NOD2: variants seen among roughly 807,000 people sequenced by gnomAD.
NOD2 encodes nucleotide binding oligomerization domain containing 2.
Under a neutral mutation model 90.9 loss-of-function variants are expected in NOD2, and 86 were observed. That is an observed-to-expected ratio of 0.95 (90% confidence interval 0.79 to 1.13). NOD2 has a LOEUF of 1.13. Ranked by LOEUF, NOD2 falls within the 50% of genes most tolerant of loss-of-function variation. The pLI is 0.00. For missense variants in NOD2, 1,238 were observed against 1,283.8 expected, an observed-to-expected ratio of 0.96 and a Z score of 0.55; for synonymous variants, 581 against 554.6, an observed-to-expected ratio of 1.05 and a Z score of -0.67.
At chr16:50,713,236 G>A (rs1849299041) in intron 4 of NOD2, 1 of 152,200 alleles carries the variant, frequency 6.6e-6, no homozygotes, top group South Asian at 2.1e-4. Context: ...GTTCTAGATT[G>A]AAGTTAAAAT....
At chr16:50,721,670 T>A (rs1291659373) in intron 7 of NOD2, among the ~76,000 whole-genome samples, 1 of 151,988 alleles carries the variant, frequency 6.6e-6, no homozygotes, top group Non-Finnish European at 1.5e-5. Flanking sequence ...TATTTTTATG[T>A]TTTGTAGAGA....
intron 5 of NOD2, 26 bp from the exon 6 acceptor site, chr16:50,716,865 G>A (rs1964823628): frequency 6.2e-6 from 10 of 1,610,268 alleles, no homozygotes; most frequent in Non-Finnish European, 8.5e-6. Context: ...TTGCTTCTGT[G>A]TCTCCTCTCT....
chr16:50,709,101 C>T (rs1964339391), intron 3 of NOD2, among the ~76,000 whole-genome samples: 1 of 152,062 alleles, frequency 6.6e-6, no homozygotes, highest in Non-Finnish European at 1.5e-5. Context: ...GGAAAACCTG[C>T]ATCAGAAATC....
chr16:50,697,044 C>T (rs530572951), intron 1 of NOD2: 2 of 627,268 alleles, frequency 3.2e-6, no homozygotes, highest in Non-Finnish European at 5.8e-6. Flanking sequence ...AGGCTTTGTG[C>T]CAGAATTGCT....
intron 4 of NOD2, among the ~76,000 whole-genome samples, chr16:50,713,813 C>A (rs998576042): frequency 6.6e-6 from 1 of 152,164 alleles, no homozygotes; most frequent in Non-Finnish European, 1.5e-5. Context: ...TAACTCCTCA[C>A]CCCAACTCTT....
chr16:50,731,870 T>C lies in NOD2; in HGVS notation c.*51T>C. On this transcript the variant is annotated 3_prime_UTR_variant, in exon 12 of 12. Transcript: ENST00000647318. ...GTTTGTTTGTGAGCAGGCTGTGAGT[T>C]TGGGCCCCAGAGGCTGGGTGACATG... 1 of 1,432,350 alleles carries C rather than the reference T, an allele frequency of 7.0e-7. No individual in the cohort carries two copies. The highest frequency in any genetic ancestry group is 9.8e-7 in the Non-Finnish European group (1 of 1,016,274). The allele number at this position is 1,432,350 out of a possible 1,614,324, so 88.7% of individuals were successfully genotyped here.
chr16:50,728,410 A>G (rs1463571646), intron 10 of NOD2: 3 of 278,484 alleles, frequency 1.1e-5, no homozygotes, highest in African/African-American at 6.7e-5. Context: ...AAATAAGAAA[A>G]TTGCTTGAAT....
chr16:50,702,788 A>G (rs919684806), intron 2 of NOD2, among the ~76,000 whole-genome samples: 24 of 152,356 alleles, frequency 1.6e-4, no homozygotes, highest in African/African-American at 5.5e-4. Context: ...AAACTGCCCA[A>G]ATCGCCCATC....
Position 50,723,368 on chromosome 16 carries a change from A to G in NOD2, c.2785A>G (p.Met929Val). 2 of 1,613,912 alleles carry G rather than the reference A, an allele frequency of 1.2e-6. No homozygotes were observed. Among genetic ancestry groups the G allele is most frequent in the Non-Finnish European group, 1.7e-6 (2 of 1,179,868 alleles). The change falls in exon 9 of 12, where the codon ATG becomes GTG. Residue 929 changes from methionine (M) to valine (V), a missense_variant. Met to Val is a conservative substitution (Grantham distance 21, BLOSUM62 1). Around this residue, in one of 3 missense-constraint regions of NOD2, gnomAD observed 667 missense variants for 688.7 expected, o/e 0.97. Coordinates refer to ENST00000647318, the MANE Select transcript of NOD2 (RefSeq NM_001370466.1). ...GGCACTGATGCTGGCAAAGAACGTC[A>G]TGCTAGAAGAACTCTGGTGAGTTTG... Reference protein sequence around the residue: ...ALALMLAKNVMLEELCLEENH... With the variant: ...ALALMLAKNVVLEELCLEENH...
intron 11 of NOD2, among the ~76,000 whole-genome samples, chr16:50,730,322 A>C (rs1185443975): frequency 6.6e-6 from 1 of 152,210 alleles, no homozygotes; most frequent in African/African-American, 2.4e-5. Flanking sequence ...CCAATTCTCT[A>C]TAATTAAAGC....
At chr16:50,715,501 T>G (rs1484549115) in intron 4 of NOD2, 2 of 152,068 alleles carry the variant, frequency 1.3e-5, no homozygotes, top group East Asian at 1.9e-4. Context: ...ATGCAAGCTC[T>G]GCCTCCCGGG....
chr16:50,711,249 C>A lies in NOD2; in HGVS notation c.1257C>A (p.Gly419=). ...TCCGCACCGAGTTCAACCTCAAGGG[C>A]TTCTCTGAACAGGGCATCGAGCTGT... ...KYIRTEFNLK[G]FSEQGIELYL... Residue 419 remains glycine, a synonymous_variant, in exon 4 of 12, where the codon GGC becomes GGA. Transcript: ENST00000647318. 6.2e-7 allele frequency: 1 copy of A among 1,613,944 alleles called. No individual in the cohort carries two copies.
intron 2 of NOD2, among the ~76,000 whole-genome samples, chr16:50,703,899 T>C (rs530828897): frequency 5.9e-5 from 9 of 151,976 alleles, no homozygotes; most frequent in Non-Finnish European, 1.0e-4. Context: ...GTAGGACTGA[T>C]GTGAATTAGG....
intron 4 of NOD2, 152 bp from the exon 5 acceptor site, chr16:50,716,435 C>T (rs534373361): frequency 4.0e-6 from 3 of 741,894 alleles, no homozygotes; most frequent in Admixed American, 4.5e-5. Flanking sequence ...CGTGGGGTCT[C>T]CACTTTTTTG....
chr16:50,723,339 C>A lies in NOD2; in HGVS notation c.2756C>A (p.Ala919Asp). ...AACATTGGCAGTGTGGGTGCCCAAG[C>A]CTTGGCACTGATGCTGGCAAAGAAC... is the stretch of plus-strand genomic sequence containing the variant. ...GNNIGSVGAQALALMLAKNVM... is the reference protein window; with the variant it reads ...GNNIGSVGAQDLALMLAKNVM... Residue 919 changes from alanine to aspartate, a missense_variant, in exon 9 of 12, where the codon GCC becomes GAC. Physicochemically the swap from Ala to Asp is moderately radical, Grantham distance 126 (BLOSUM62 -2). Transcript: ENST00000647318. The A allele has an allele frequency of 6.2e-7, 1 of 1,613,890 alleles. No individual in the cohort carries two copies. The highest frequency in any genetic ancestry group is 8.5e-7 in the Non-Finnish European group (1 of 1,179,936).
intron 2 of NOD2, among the ~76,000 whole-genome samples, chr16:50,703,820 G>A (rs140573469): frequency 6.6e-6 from 1 of 152,242 alleles, no homozygotes; most frequent in African/African-American, 2.4e-5. Context: ...GACCTCTTCT[G>A]GGAAGTCAGT....
Position 50,710,956 on chromosome 16 carries a change from C to G in NOD2, c.964C>G (p.Leu322Val), listed in dbSNP as rs752615209. 6.2e-7 allele frequency: 1 copy of G among 1,614,250 alleles called. No homozygotes were observed. The highest frequency in any genetic ancestry group is 2.2e-5 in the East Asian group (1 of 44,888). Residue 322 changes from leucine (L) to valine (V), a missense_variant, in exon 4 of 12, where the codon CTC becomes GTC. Physicochemically the swap from Leu to Val is conservative, Grantham distance 32 (BLOSUM62 1). Coordinates refer to ENST00000647318, the MANE Select transcript of NOD2 (RefSeq NM_001370466.1). ...CAAACCACTCTCTGTGCGGACTCTA[C>G]TCTTTGAGCACTGCTGTTGGCCTGA... ...MAKPLSVRTL[L>V]FEHCCWPDVG...
chr16:50,723,353 C>G lies in NOD2; in HGVS notation c.2770C>G (p.Leu924Val), dbSNP rs768561004. 7.4e-6 allele frequency: 12 copies of G among 1,613,908 alleles called. No homozygotes were observed. The highest frequency in any genetic ancestry group is 9.3e-6 in the Non-Finnish European group (11 of 1,179,922). ...SVGAQALALM[L>V]AKNVMLEELC... ...GGGTGCCCAAGCCTTGGCACTGATG[C>G]TGGCAAAGAACGTCATGCTAGAAGA... Residue 924 changes from leucine (L) to valine (V), a missense_variant, in exon 9 of 12, where the codon CTG (leucine) becomes GTG (valine). Leu to Val is a conservative substitution (Grantham distance 32, BLOSUM62 1). Coordinates refer to ENST00000647318, the MANE Select transcript of NOD2 (RefSeq NM_001370466.1).
chr16:50,723,247 A>T (rs1965146210), intron 8 of NOD2, 54 bp from the exon 9 acceptor site: 3 of 1,542,760 alleles, frequency 1.9e-6, no homozygotes, highest in Non-Finnish European at 1.8e-6. Flanking sequence ...AGGTTAGCTC[A>T]TCTCTGAGGT....
Sources: gnomAD v4.1 joint callset for allele counts (sites outside exome capture counted in the v4.1 genomes callset) on GRCh38, gnomAD v4.1.1 for gene constraint, gnomAD v4.1.1 regional missense constraint, MANE v1.5 for transcripts, NCBI Gene and HGNC (gene_info 2026-07-23, HGNC 2026-07-21) for gene names.